Variants in COL22A1 observed in about 807,000 individuals in gnomAD.
COL22A1 encodes collagen alpha-1(XXII) chain.
In COL22A1, 221 loss-of-function variants were observed where a neutral mutation model predicts 248.9. The ratio of observed to expected loss-of-function variants is 0.89; its 90% CI spans 0.80 to 0.99. The LOEUF is 0.99. Among genes scored for constraint, COL22A1 ranks in the 50% least tolerant of loss-of-function variants. COL22A1 has a pLI of 0.00. For missense variants in COL22A1, 2,240 were observed against 2,179.0 expected (o/e 1.03, Z -0.56); for synonymous variants, 891 against 793.4 (o/e 1.12, Z -2.07).
rs879673239 is a variant in COL22A1 at position 138,692,488 on chromosome 8, T to C, written c.2754+1158A>G. ...ATGTGTGTGTGTGTGTGTGTGTGTG[T>C]GTGTGTGTGTGTGTGTGTGTGTTGG... is the stretch of plus-strand genomic sequence containing the variant. On this transcript the variant is annotated intron_variant, in intron 35 of 64. Coordinates refer to ENST00000303045, the MANE Select transcript of COL22A1 (RefSeq NM_152888.3). 7.7e-3 allele frequency among the ~76,000 whole-genome samples: 1,149 copies of C among 149,842 alleles called. 16 individuals carry two copies. The highest frequency in any genetic ancestry group is 9.0e-3 in the Non-Finnish European group (601 of 67,140).
intron 41 of COL22A1, among the ~76,000 whole-genome samples, chr8:138,664,203 GCGCGCGCA>G (rs1426872806): frequency 8.9e-5 from 8 of 90,180 alleles, no homozygotes; most frequent in African/African-American, 1.6e-4. Context: ...GTGCGCGCGC[GCGCGCGCA>G]CACACACACA....
At chr8:138,717,495 T>C (rs937251903) in intron 27 of COL22A1, among the ~76,000 whole-genome samples, 1 of 152,142 alleles carries the variant, frequency 6.6e-6, no homozygotes, top group African/African-American at 2.4e-5. Flanking sequence ...AGACAGGGTC[T>C]CACTCTGTCA....
At chr8:138,805,334 T>A (rs1364490670) in intron 10 of COL22A1, among the ~76,000 whole-genome samples, 3 of 105,956 alleles carry the variant, frequency 2.8e-5, no homozygotes, top group African/African-American at 1.0e-4. Context: ...ATGGTGTGGC[T>A]GTGTGATGGT....
chr8:138,879,712 AAAG>A lies in COL22A1; in HGVS notation c.92-1399_92-1397del, dbSNP rs1554652803. 9.8e-3 allele frequency among the ~76,000 whole-genome samples: 819 copies of A among 83,162 alleles called. 20 individuals carry two copies. The highest frequency in any genetic ancestry group is 0.028 in the African/African-American group (755 of 27,310). The allele number at this position is 83,162 out of a possible 152,430, so 54.6% of individuals were successfully genotyped here. ...TCTCAAAAAAAAAAAAAAAAAAAAA[AAAG>A]AAGAAGAAGAAAAAGAGGAAGAAAA... On this transcript the variant is annotated intron_variant, in intron 2 of 64. Coordinates refer to ENST00000303045, the MANE Select transcript of COL22A1 (RefSeq NM_152888.3).
In COL22A1 at chr8:138,843,178, C is replaced by T. The variant is rs561356021; in HGVS notation, c.733+906G>A. ...ATAGGCAGAGCAGCCTTCCACCATT[C>T]CAGAAAAATCCCCCAGGCACAAGAT... is the stretch of plus-strand genomic sequence containing the variant. On this transcript the variant is annotated intron_variant, in intron 4 of 64. Transcript: ENST00000303045. Among the ~76,000 whole-genome samples the T allele has an allele frequency of 3.7e-4, 57 of 152,252 alleles. 1 individual carries two copies. In the Middle Eastern group the frequency reaches 0.014, roughly 36 times the overall value.
chr8:138,852,723 A>T (rs1025324585), intron 3 of COL22A1, among the ~76,000 whole-genome samples: 1 of 152,060 alleles, frequency 6.6e-6, no homozygotes, highest in Non-Finnish European at 1.5e-5. Context: ...CCGGCAAAGG[A>T]GACTGAGAAG....
chr8:138,684,240 G>C (rs1826168459), intron 39 of COL22A1, among the ~76,000 whole-genome samples, 185 bp downstream of exon 39: 2 of 147,862 alleles, frequency 1.4e-5, no homozygotes. Flanking sequence ...CTCCAGCTTG[G>C]GCAACAGAGT....
intron 3 of COL22A1, among the ~76,000 whole-genome samples, chr8:138,862,898 T>C (rs938276240): frequency 6.6e-6 from 1 of 152,096 alleles, no homozygotes; most frequent in Non-Finnish European, 1.5e-5. Context: ...TTTCCTGTAT[T>C]AATGCATTGA....
chr8:138,907,266 G>C (rs1815100412), intron 1 of COL22A1, among the ~76,000 whole-genome samples: 1 of 152,234 alleles, frequency 6.6e-6, no homozygotes, highest in African/African-American at 2.4e-5. Flanking sequence ...GAGCTTCCAG[G>C]ATTAGTCCCC....
intron 1 of COL22A1, among the ~76,000 whole-genome samples, chr8:138,889,948 A>G (rs560055069): frequency 6.6e-6 from 1 of 152,356 alleles, no homozygotes; most frequent in East Asian, 1.9e-4. Context: ...ACTAAAGACC[A>G]ATATCCTTTA....
At chr8:138,772,879 AAAC>A (rs1177441128) in intron 16 of COL22A1, among the ~76,000 whole-genome samples, 1 of 152,088 alleles carries the variant, frequency 6.6e-6, no homozygotes, top group Non-Finnish European at 1.5e-5. Flanking sequence ...ATAAAACAAA[AAAC>A]AACAACAAAA....
chr8:138,828,618 A>G (rs1819784083), intron 5 of COL22A1, among the ~76,000 whole-genome samples: 1 of 152,074 alleles, frequency 6.6e-6, no homozygotes, highest in African/African-American at 2.4e-5. Context: ...CTTTTCACAT[A>G]TTGCCTAATT....
chr8:138,621,149 C>G (rs1285577812), intron 52 of COL22A1, among the ~76,000 whole-genome samples: 1 of 152,216 alleles, frequency 6.6e-6, no homozygotes, highest in Non-Finnish European at 1.5e-5. Context: ...ATTTTCCAAC[C>G]ACATCCCCTG....
chr8:138,606,538 A>C (rs1295289531), intron 57 of COL22A1, 86 bp from the exon 58 acceptor site: 1 of 1,317,554 alleles, frequency 7.6e-7, no homozygotes, highest in Non-Finnish European at 1.1e-6. Flanking sequence ...CTCTGAAATC[A>C]AAAGGCCTGA....
intron 3 of COL22A1, among the ~76,000 whole-genome samples, chr8:138,864,105 AG>A (rs1273552575): frequency 6.6e-6 from 1 of 152,104 alleles, no homozygotes; most frequent in Non-Finnish European, 1.5e-5. Flanking sequence ...GGAGGGACCA[AG>A]GGACCATTCC....
At chr8:138,746,649 G>A (rs1377234234) in intron 22 of COL22A1, among the ~76,000 whole-genome samples, 6 of 152,196 alleles carry the variant, frequency 3.9e-5, no homozygotes, top group Admixed American at 6.5e-5. Flanking sequence ...CAAGACAAGC[G>A]GGGAGCCATC....
chr8:138,778,831 C>T (rs1222435699), intron 14 of COL22A1, among the ~76,000 whole-genome samples: 1 of 152,178 alleles, frequency 6.6e-6, no homozygotes, highest in Non-Finnish European at 1.5e-5. Flanking sequence ...GCCATGGGCT[C>T]AGTACAGCCT....
intron 21 of COL22A1, among the ~76,000 whole-genome samples, chr8:138,753,480 G>A (rs575544702): frequency 3.9e-5 from 6 of 152,298 alleles, no homozygotes; most frequent in East Asian, 3.9e-4. Flanking sequence ...GGGGAACCCC[G>A]TGGGGCATCA....
chr8:138,702,627 A>G (rs1828059010), intron 31 of COL22A1, among the ~76,000 whole-genome samples: 1 of 151,098 alleles, frequency 6.6e-6, no homozygotes, highest in Admixed American at 6.6e-5. Context: ...AAAAAAAAAG[A>G]AAAAGAAAAA....
Sources: gnomAD v4.1 joint callset for allele counts (sites outside exome capture counted in the v4.1 genomes callset) on GRCh38, gnomAD v4.1.1 for gene constraint, MANE v1.5 for transcripts, NCBI Gene and HGNC (gene_info 2026-07-23, HGNC 2026-07-21) for gene names.